ARMC3: variants seen among roughly 807,000 people sequenced by gnomAD.
ARMC3 encodes armadillo repeat containing 3, also known as armadillo repeat-containing protein 3.
ARMC3 carries 74 observed loss-of-function variants against 90.3 expected under a neutral mutation model. The observed-to-expected ratio is 0.82, with a 90% CI of 0.68 to 0.99. ARMC3 has a LOEUF of 0.99. Among genes scored for constraint, ARMC3 ranks in the 50% least tolerant of loss-of-function variants. The pLI is 0.00. For synonymous variants in ARMC3, 334 were observed against 361.8 expected (o/e 0.92, Z 0.87); for missense variants, 958 against 1,042.8 (o/e 0.92, Z 1.12).
At position 23,008,951 on chromosome 10, in the gene ARMC3, T is replaced by C. The variant is rs758084520; in HGVS notation, c.2045+20T>C. On this transcript the variant is annotated intron_variant, in intron 16 of 18. Transcript: ENST00000298032. ...ATGGAGGTAAGAAAGTGTCCTGAGTTCCTCATTACCCAGCCAGGCTGGTGG... is the reference window on the plus strand; with the variant it reads ...ATGGAGGTAAGAAAGTGTCCTGAGTCCCTCATTACCCAGCCAGGCTGGTGG... The C allele has an allele frequency of 6.3e-7, 1 of 1,597,778 alleles. No individual in the cohort carries two copies. Among genetic ancestry groups the C allele is most frequent in the Non-Finnish European group, 8.6e-7 (1 of 1,167,328 alleles).
intron 16 of ARMC3, among the ~76,000 whole-genome samples, chr10:23,022,450 C>T (rs1838548944): frequency 6.6e-6 from 1 of 152,074 alleles, no homozygotes; most frequent in African/African-American, 2.4e-5. Flanking sequence ...AGGAGAACTC[C>T]AAAGGAGGCA....
At chr10:22,949,626 C>G (rs1449032254) in intron 3 of ARMC3, among the ~76,000 whole-genome samples, 2 of 152,064 alleles carry the variant, frequency 1.3e-5, no homozygotes, top group Non-Finnish European at 2.9e-5. Flanking sequence ...GAGAAAAATT[C>G]AAGTGTCCAA....
chr10:23,025,938 A>C (rs1237156263), intron 16 of ARMC3, among the ~76,000 whole-genome samples: 1 of 152,118 alleles, frequency 6.6e-6, no homozygotes, highest in South Asian at 2.1e-4. Context: ...ACAATAAAGG[A>C]TAATAGAGAA....
At chr10:22,946,464 C>A (rs913623839) in intron 3 of ARMC3, 50 of 354,384 alleles carry the variant, frequency 1.4e-4, no homozygotes, top group Non-Finnish European at 2.5e-4. Context: ...AATTTAGTCA[C>A]TGGGTAGAAC....
chr10:22,985,310 TG>T (rs1426357160), intron 10 of ARMC3, among the ~76,000 whole-genome samples: 1 of 152,104 alleles, frequency 6.6e-6, no homozygotes, highest in Non-Finnish European at 1.5e-5. Flanking sequence ...CAGTGCCCCT[TG>T]GGGAAGGGGG....
intron 3 of ARMC3, among the ~76,000 whole-genome samples, chr10:22,953,884 CCA>C (rs1834823486): frequency 6.6e-6 from 1 of 152,172 alleles, no homozygotes; most frequent in African/African-American, 2.4e-5. Flanking sequence ...TATGGATTTA[CCA>C]CAGTTTGCCT....
In ARMC3 at chr10:23,030,626, AG is replaced by A; in HGVS notation, c.2077del (p.Val693Ter). On this transcript the variant is annotated frameshift_variant, in exon 17 of 19. Coordinates refer to ENST00000298032, the MANE Select transcript of ARMC3 (RefSeq NM_173081.5). ...KSKGKKEEEK[V>X]KEEEEVMVVP... ...GCAAAGGAAAAAAAGAAGAGGAAAA[AG>A]TGAAAGAGGAGGAAGAGGTTATGGT... 6.2e-7 allele frequency: 1 copy of A among 1,613,566 alleles called. No individual in the cohort carries two copies.
intron 14 of ARMC3, 134 bp from the exon 15 acceptor site, chr10:23,008,142 T>C (rs1224588255): frequency 2.0e-6 from 1 of 506,370 alleles, no homozygotes; most frequent in Non-Finnish European, 3.5e-6. Context: ...TCCTTTATAC[T>C]TTAAAAACAG....
intron 12 of ARMC3, among the ~76,000 whole-genome samples, chr10:23,002,632 G>T (rs1375289883): frequency 7.2e-6 from 1 of 138,188 alleles, no homozygotes; most frequent in Non-Finnish European, 1.5e-5. Flanking sequence ...GCAGAGTCTC[G>T]CTCTGTTGCC....
intron 17 of ARMC3, 134 bp from the exon 18 acceptor site, chr10:23,032,727 T>G (rs1838962664): frequency 2.2e-6 from 2 of 926,412 alleles, no homozygotes; most frequent in Non-Finnish European, 3.2e-6. Flanking sequence ...TGGTTAGTAC[T>G]TTCTCAAAAA....
At chr10:22,959,754 T>A in intron 6 of ARMC3, 180 bp downstream of exon 6, 1 of 688,450 alleles carries the variant, frequency 1.5e-6, no homozygotes, top group Non-Finnish European at 2.5e-6. Context: ...ATCTTTCAAT[T>A]TTCACATTTT....
intron 10 of ARMC3, among the ~76,000 whole-genome samples, chr10:22,984,283 T>C (rs1836314390): frequency 6.6e-6 from 1 of 152,224 alleles, no homozygotes; most frequent in Non-Finnish European, 1.5e-5. Context: ...GCTCATTTCA[T>C]GCATTGAGTA....
Position 23,033,054 on chromosome 10 carries a change from T to G in ARMC3, c.2409+31T>G. 4.4e-6 allele frequency: 7 copies of G among 1,604,260 alleles called. No homozygotes were observed. In the South Asian group the frequency reaches 5.6e-5, roughly 13 times the overall value. On this transcript the variant is annotated intron_variant, in intron 18 of 18. Coordinates refer to ENST00000298032, the MANE Select transcript of ARMC3 (RefSeq NM_173081.5). Reference sequence around the variant, plus strand: ...TAAGGTATTTTGCCTCATTTGCCATTAAGTAAAAATGCTTTGTCTTTATCA... The same window carrying G: ...TAAGGTATTTTGCCTCATTTGCCATGAAGTAAAAATGCTTTGTCTTTATCA...
chr10:22,961,798 G>A (rs1389766310), intron 6 of ARMC3, 86 bp from the exon 7 acceptor site: 1 of 1,150,456 alleles, frequency 8.7e-7, no homozygotes, highest in Non-Finnish European at 1.2e-6. Flanking sequence ...TATAACTTAT[G>A]TTCTTGTGTT....
At chr10:23,018,514 A>ATTTTTTTTTTT (rs5783816) in intron 16 of ARMC3, among the ~76,000 whole-genome samples, 1 of 115,476 alleles carries the variant, frequency 8.7e-6, no homozygotes, top group Non-Finnish European at 1.7e-5. Context: ...CACCTTAGTA[A>ATTTTTTTTTTT]TTTTTTTTTT....
intron 16 of ARMC3, among the ~76,000 whole-genome samples, chr10:23,021,810 A>G (rs1838525262): frequency 6.6e-6 from 1 of 152,182 alleles, no homozygotes; most frequent in South Asian, 2.1e-4. Flanking sequence ...TTTGCTGTGC[A>G]GAAGCTGTTT....
intron 16 of ARMC3, among the ~76,000 whole-genome samples, chr10:23,012,613 T>C (rs7070539): frequency 0.87 from 132,623 of 152,062 alleles, 58,234 homozygotes; most frequent in Non-Finnish European, 0.92. Flanking sequence ...TTCATGTTAA[T>C]CATATTCCCA....
chr10:22,943,837 G>T lies in ARMC3; in HGVS notation c.49-2307G>T, dbSNP rs561544147. On this transcript the variant is annotated intron_variant, in intron 2 of 18. Transcript: ENST00000298032. ...AATCCCAGCTACTCAGGAGGCTGAGGCAGAGAGAATAGCTTGAACCCAGGA... is the reference window on the plus strand; with the variant it reads ...AATCCCAGCTACTCAGGAGGCTGAGTCAGAGAGAATAGCTTGAACCCAGGA... Among the ~76,000 whole-genome samples, 312 of 152,002 alleles carry T rather than the reference G, an allele frequency of 2.1e-3. 2 individuals are homozygous for T. Among genetic ancestry groups the T allele is most frequent in the African/African-American group, 7.2e-3 (297 of 41,442 alleles).
At chr10:22,985,046 ATTT>A (rs535085393) in intron 10 of ARMC3, among the ~76,000 whole-genome samples, 1,034 of 83,492 alleles carry the variant, frequency 0.012, 23 homozygotes, top group African/African-American at 0.047. Context: ...TTAATTTTTC[ATTT>A]TTTTTTTTTT....
Sources: allele counts gnomAD v4.1 joint callset (sites outside exome capture counted in the v4.1 genomes callset), GRCh38; gene constraint gnomAD v4.1.1; transcripts MANE v1.5; gene names NCBI Gene and HGNC (gene_info 2026-07-23, HGNC 2026-07-21).